QNG1: variants seen among roughly 807,000 people sequenced by gnomAD.
QNG1 encodes the protein Q-nucleotide N-glycosylase 1.
chr9:83,954,048 C>T, the QNG1 span, among the ~76,000 whole-genome samples: 5 of 152,032 alleles, frequency 3.3e-5, no homozygotes, highest in Admixed American at 2.0e-4. Flanking sequence ...GTGCGTGCAA[C>T]CATACCCAGC....
chr9:83,956,684 G>T, the QNG1 span: 2 of 492,480 alleles, frequency 4.1e-6, no homozygotes, highest in Non-Finnish European at 6.9e-6. Flanking sequence ...GCGTTGCCCT[G>T]ATTAGGAAAC....
chr9:83,949,085 C>T, the QNG1 span, among the ~76,000 whole-genome samples: 1 of 143,766 alleles, frequency 7.0e-6, no homozygotes, highest in Admixed American at 7.0e-5. Context: ...CAAGAATGAT[C>T]AATAAATACT....
chr9:83,953,768 A>G, the QNG1 span: 1 of 1,542,966 alleles, frequency 6.5e-7, no homozygotes, highest in African/African-American at 1.4e-5. Context: ...AAAGATTCCA[A>G]AAGAATTTTA....
the QNG1 span, among the ~76,000 whole-genome samples, chr9:83,948,861 AG>A: frequency 2.0e-5 from 3 of 152,122 alleles, no homozygotes; most frequent in Non-Finnish European, 4.4e-5. Context: ...GGGCGGTGCA[AG>A]ATGTGCTTTG....
chr9:83,944,524 C>T, the QNG1 span, among the ~76,000 whole-genome samples: 1 of 152,160 alleles, frequency 6.6e-6, no homozygotes, highest in Non-Finnish European at 1.5e-5. Context: ...ATCAGTGTTA[C>T]ATACTTTCAT....
the QNG1 span, chr9:83,956,517 CGGCGGGCCAAACTCTTCCCGCCCTA>C: frequency 1.3e-6 from 2 of 1,515,744 alleles, no homozygotes; most frequent in South Asian, 1.3e-5. Context: ...CTTTGGGACC[CGGCGGGCCAAACTCTTCCCGCCCTA>C]GGCGGGTCAA....
the QNG1 span, among the ~76,000 whole-genome samples, chr9:83,949,054 TCC>T: frequency 9.2e-5 from 12 of 129,840 alleles, no homozygotes; most frequent in Non-Finnish European, 1.6e-4. Context: ...CCCTGCCAAA[TCC>T]CCCTCTCCAA....
chr9:83,938,674 G>GGA, the QNG1 span: 6 of 145,678 alleles, frequency 4.1e-5, no homozygotes, highest in African/African-American at 7.5e-5. Context: ...CCACAGGGGG[G>GGA]AAAAAAAAAA....
the QNG1 span, among the ~76,000 whole-genome samples, chr9:83,946,728 C>T: frequency 6.6e-6 from 1 of 152,066 alleles, no homozygotes; most frequent in Non-Finnish European, 1.5e-5. Context: ...CTACAAAACA[C>T]GGCGAAACCC....
the QNG1 span, among the ~76,000 whole-genome samples, chr9:83,952,874 C>T: frequency 6.7e-6 from 1 of 150,180 alleles, no homozygotes; most frequent in African/African-American, 2.5e-5. Flanking sequence ...GGCAGAGAAC[C>T]GCTTGAACCT....
the QNG1 span, among the ~76,000 whole-genome samples, chr9:83,947,498 G>C: frequency 2.0e-5 from 3 of 152,144 alleles, no homozygotes; most frequent in East Asian, 5.8e-4. Flanking sequence ...CTACATTTAA[G>C]AAAGTCAGAA....
At chr9:83,950,618 C>T in the QNG1 span, among the ~76,000 whole-genome samples, 24 of 126,714 alleles carry the variant, frequency 1.9e-4, no homozygotes, top group Non-Finnish European at 3.5e-4. Flanking sequence ...TTTTTTGAGA[C>T]AGGGCCTCAC....
At chr9:83,951,765 C>T in the QNG1 span, among the ~76,000 whole-genome samples, 9 of 152,212 alleles carry the variant, frequency 5.9e-5, no homozygotes, top group Admixed American at 5.2e-4. Flanking sequence ...GCTCTTCTTT[C>T]ACCTATTCAT....
chr9:83,944,912 A>ATC, the QNG1 span: 1 of 1,614,030 alleles, frequency 6.2e-7, no homozygotes. Flanking sequence ...TGAAGCAGCC[A>ATC]TCTCCTTTTC....
At chr9:83,944,681 T>C in the QNG1 span, 6 of 800,902 alleles carry the variant, frequency 7.5e-6, no homozygotes, top group Non-Finnish European at 1.2e-5. Context: ...TTACATATAC[T>C]ATGAACAATA....
chr9:83,939,854 T>A, the QNG1 span: 2 of 711,452 alleles, frequency 2.8e-6, no homozygotes, highest in Non-Finnish European at 4.8e-6. Flanking sequence ...TTTAAAACTG[T>A]AAATCTCAGA....
At chr9:83,953,592 C>T in the QNG1 span, 7 of 478,130 alleles carry the variant, frequency 1.5e-5, no homozygotes, top group South Asian at 4.7e-5. Flanking sequence ...GTGATCTACC[C>T]GCCTTGGCCC....
At chr9:83,948,515 G>T in the QNG1 span, among the ~76,000 whole-genome samples, 9,849 of 145,144 alleles carry the variant, frequency 0.068, 822 homozygotes, top group African/African-American at 0.2. Flanking sequence ...GTCCGGGAGG[G>T]GGGGGGCGCC....
At chr9:83,944,769 C>T in the QNG1 span, 6 of 1,567,910 alleles carry the variant, frequency 3.8e-6, no homozygotes, top group African/African-American at 8.2e-5. Context: ...CATAGTATAA[C>T]AAAGAATGAC....
Sources: allele counts gnomAD v4.1 joint callset (sites outside exome capture counted in the v4.1 genomes callset), GRCh38; gene constraint gnomAD v4.1.1; transcripts MANE v1.5; gene names NCBI Gene and HGNC (gene_info 2026-07-23, HGNC 2026-07-21).